Variants in ATPAF1 observed in about 807,000 individuals in gnomAD.
ATPAF1 encodes ATP synthase mitochondrial F1 complex assembly factor 1.
In ATPAF1, 26 loss-of-function variants were observed where a neutral mutation model predicts 43.9. That is an observed-to-expected ratio of 0.59 (90% CI 0.43 to 0.82). The LOEUF is 0.82. Among genes scored for constraint, ATPAF1 ranks in the 40% least tolerant of loss-of-function variants. ATPAF1 has a pLI of 0.00. For synonymous variants in ATPAF1, 157 were observed against 168.0 expected (o/e 0.93, Z 0.50); for missense variants, 366 against 435.0 (o/e 0.84, Z 1.41).
At chr1:46,665,508 C>A in intron 1 of ATPAF1, 144 bp from the exon 2 acceptor site, 2 of 1,183,456 alleles carry the variant, frequency 1.7e-6, no homozygotes, top group Admixed American at 2.2e-5. Flanking sequence ...AAGAACTGGG[C>A]ACAGGCCTAG....
At chr1:46,640,914 T>A (rs1413831786) in intron 8 of ATPAF1, among the ~76,000 whole-genome samples, 1 of 152,156 alleles carries the variant, frequency 6.6e-6, no homozygotes, top group Non-Finnish European at 1.5e-5. Flanking sequence ...CCTCTATCCA[T>A]CTAATTTTAT....
intron 6 of ATPAF1, among the ~76,000 whole-genome samples, chr1:46,647,606 G>T (rs1374332508): frequency 6.6e-6 from 1 of 152,126 alleles, no homozygotes; most frequent in African/African-American, 2.4e-5. Flanking sequence ...TACAAATAAA[G>T]CTGCTTGAAT....
intron 8 of ATPAF1, among the ~76,000 whole-genome samples, chr1:46,640,539 CAGG>C (rs992931310): frequency 3.2e-4 from 48 of 152,110 alleles, no homozygotes; most frequent in Non-Finnish European, 6.2e-4. Flanking sequence ...GAGGCTGAGG[CAGG>C]AGAACTGCTT....
intron 4 of ATPAF1, among the ~76,000 whole-genome samples, chr1:46,655,375 T>A (rs904729887): frequency 2.0e-5 from 3 of 152,170 alleles, no homozygotes; most frequent in African/African-American, 7.2e-5. Flanking sequence ...TCAGAAGTCC[T>A]ACCTCTGCTT....
intron 7 of ATPAF1, among the ~76,000 whole-genome samples, chr1:46,643,637 C>G (rs986787576): frequency 6.6e-6 from 1 of 152,204 alleles, no homozygotes; most frequent in African/African-American, 2.4e-5. Flanking sequence ...AAGCAATGTG[C>G]CTGTGTAATT....
chr1:46,651,735 T>G (rs143964807), intron 6 of ATPAF1, among the ~76,000 whole-genome samples: 1,973 of 152,044 alleles, frequency 0.013, 23 homozygotes, highest in Middle Eastern at 0.037. Flanking sequence ...ACCATCAGAG[T>G]GAACAGGCAA....
At chr1:46,668,385 G>A (rs1349520935), upstream of ATPAF1, 2 of 1,199,316 alleles carry the variant, frequency 1.7e-6, no homozygotes, top group Admixed American at 4.5e-5. The surrounding 1 kb of genome is among the most constrained non-coding windows in gnomAD (Gnocchi z 4.4). Context: ...CCGCGCGCCC[G>A]CTCCATCCCG....
chr1:46,636,247 G>A (rs886347209), intron 8 of ATPAF1: 5 of 496,344 alleles, frequency 1.0e-5, no homozygotes, highest in Admixed American at 3.3e-5. Context: ...GACATAGACC[G>A]TGGTTTGTTT....
At chr1:46,665,134 G>A in intron 2 of ATPAF1, 122 bp downstream of exon 2, 1 of 850,690 alleles carries the variant, frequency 1.2e-6, no homozygotes, top group South Asian at 1.6e-5. Context: ...ATGGAGTTGG[G>A]AGAGACTATG....
chr1:46,659,554 C>G (rs1676345338), intron 2 of ATPAF1, among the ~76,000 whole-genome samples: 1 of 152,108 alleles, frequency 6.6e-6, no homozygotes, highest in African/African-American at 2.4e-5. Flanking sequence ...TTTCCTCTAT[C>G]AAATTAGACA....
At chr1:46,646,019 TAAAAA>T (rs937069481) in intron 6 of ATPAF1, among the ~76,000 whole-genome samples, 1 of 151,762 alleles carries the variant, frequency 6.6e-6, no homozygotes, top group African/African-American at 2.4e-5. Context: ...TACAAAAAAA[TAAAAA>T]AAATAGCCAG....
intron 6 of ATPAF1, among the ~76,000 whole-genome samples, chr1:46,651,880 CA>C (rs1676176133): frequency 6.6e-6 from 1 of 152,040 alleles, no homozygotes; most frequent in South Asian, 2.1e-4. Context: ...AGGAAATGAA[CA>C]GACACTTCTC....
intron 3 of ATPAF1, 47 bp from the exon 4 acceptor site, chr1:46,658,236 A>C (rs760292377): frequency 2.1e-6 from 3 of 1,426,062 alleles, no homozygotes; most frequent in Non-Finnish European, 2.9e-6. Context: ...TAAAAAAAAA[A>C]AAAAACAGCT....
At chr1:46,662,084 A>G (rs1231367755) in intron 2 of ATPAF1, among the ~76,000 whole-genome samples, 1 of 151,398 alleles carries the variant, frequency 6.6e-6, no homozygotes, top group Non-Finnish European at 1.5e-5. Context: ...TTAGTAGAGA[A>G]GGGGTTTCAC....
Position 46,668,266 on chromosome 1 carries a change from CA to C in ATPAF1, c.56del (p.Val19GlyfsTer116). ...CGCACAGGCCCCGGTAGAGACCGGCCACCTGCAGGACCGCCGGTCCCGCGCC... is the reference window on the plus strand; with the variant it reads ...CGCACAGGCCCCGGTAGAGACCGGCCCCTGCAGGACCGCCGGTCCCGCGCC... On this transcript the variant is annotated frameshift_variant, in exon 1 of 9. Coordinates refer to ENST00000574428, the Ensembl canonical transcript of ATPAF1. LOFTEE classifies it high-confidence loss of function. The surrounding 1 kb of genome is among the most constrained non-coding windows in gnomAD (Gnocchi z 4.4). 1 of 1,389,644 alleles carries C rather than the reference CA, an allele frequency of 7.2e-7. No homozygotes were observed. The highest frequency in any genetic ancestry group is 9.4e-7 in the Non-Finnish European group (1 of 1,068,046). The allele number at this position is 1,389,644 out of a possible 1,614,324, so 86.1% of individuals were successfully genotyped here.
At position 46,668,199 on chromosome 1, in the gene ATPAF1, C is replaced by T; in HGVS notation, c.124G>A (p.Ala42Thr). The T allele has an allele frequency of 7.2e-7, 1 of 1,388,882 alleles. No homozygotes were observed. Among genetic ancestry groups the T allele is most frequent in the Non-Finnish European group, 9.3e-7 (1 of 1,071,748 alleles). The allele number at this position is 1,388,882 out of a possible 1,614,324, so 86.0% of individuals were successfully genotyped here. The change falls in exon 1 of 9, where the codon GCG becomes ACG. Residue 42 changes from alanine (A) to threonine (T), a missense_variant. By Grantham distance (58) the Ala-to-Thr change is moderately conservative. Around this residue, in one of 2 missense-constraint regions of ATPAF1, gnomAD observed 186 missense variants for 168.5 expected, o/e 1.10. Transcript: ENST00000574428. This position sits in a 1 kb window ranked among gnomAD's most constrained non-coding sequence, Gnocchi z 4.4. Reference sequence around the variant, plus strand: ...CGCACTGGGAAGACGCGCAGCTGCGCGGGTGACACGAGCCCCAGGCCCAGG... The same window carrying T: ...CGCACTGGGAAGACGCGCAGCTGCGTGGGTGACACGAGCCCCAGGCCCAGG...
intron 7 of ATPAF1, 121 bp from the exon 8 acceptor site, chr1:46,643,422 G>T: frequency 1.4e-6 from 1 of 689,744 alleles, no homozygotes; most frequent in Non-Finnish European, 2.4e-6. Flanking sequence ...TGGCTAGTGA[G>T]TTGGAGGACT....
chr1:46,637,575 C>T lies in ATPAF1; in HGVS notation c.793-1605G>A, dbSNP rs181563918. The stretch of plus-strand genomic sequence containing the variant: ...ACCCCAAAAGGTCATGGAAAATTCC[C>T]ACTAAAAACTTACTGCCAAAAGTGT... On this transcript the variant is annotated intron_variant, in intron 8 of 8. Transcript: ENST00000574428. Among the ~76,000 whole-genome samples the T allele has an allele frequency of 1.1e-3, 164 of 152,212 alleles. 1 individual carries two copies. The highest frequency in any genetic ancestry group is 6.6e-4 in the Non-Finnish European group (45 of 68,010).
At chr1:46,635,080 G>A (rs1462472700) in exon 9 of ATPAF1, 2 of 152,586 alleles carry the variant, frequency 1.3e-5, no homozygotes, top group African/African-American at 2.4e-5. Flanking sequence ...ATACTGCACT[G>A]ATTCATTCCT....
Sources: allele counts gnomAD v4.1 joint callset (sites outside exome capture counted in the v4.1 genomes callset), GRCh38; gene constraint gnomAD v4.1.1; regional missense constraint gnomAD v4.1.1; non-coding constraint Gnocchi (gnomAD v3.1); transcripts MANE v1.5; gene names NCBI Gene and HGNC (gene_info 2026-07-23, HGNC 2026-07-21).